The following ASIC2 variants were observed in gnomAD, a reference collection of about 807,000 sequenced individuals.
The protein encoded by ASIC2 is acid-sensing ion channel 2.
In ASIC2, 25 loss-of-function variants were observed where a neutral mutation model predicts 57.3. The ratio of observed to expected loss-of-function variants is 0.44; its 90% CI spans 0.32 to 0.61. The LOEUF is 0.61. Ranked by LOEUF, ASIC2 falls within the 20% of genes least tolerant of loss-of-function variation. The pLI, the probability that ASIC2 is intolerant of heterozygous loss-of-function variation, is 0.06. For missense variants in ASIC2, 641 were observed against 738.1 expected (o/e 0.87, Z 1.52); for synonymous variants, 319 against 307.5 (o/e 1.04, Z -0.39).
chr17:33,632,054 G>A (rs935951690), intron 1 of ASIC2, among the ~76,000 whole-genome samples: 1 of 152,140 alleles, frequency 6.6e-6, no homozygotes, highest in Non-Finnish European at 1.5e-5. Context: ...GGGCTTGAGG[G>A]ACAGAACTGG....
chr17:34,128,336 C>T (rs766807863), intron 1 of ASIC2, among the ~76,000 whole-genome samples: 2 of 152,130 alleles, frequency 1.3e-5, no homozygotes, highest in Non-Finnish European at 2.9e-5. Context: ...GTGCAGGGAG[C>T]CTCATAGGAC....
chr17:33,375,551 T>C (rs2141942026), intron 1 of ASIC2, among the ~76,000 whole-genome samples: 1 of 152,268 alleles, frequency 6.6e-6, no homozygotes, highest in East Asian at 1.9e-4. Flanking sequence ...GCTTGCGTTT[T>C]AAAAGGATAG....
chr17:33,069,760 G>A (rs908898436), intron 3 of ASIC2, among the ~76,000 whole-genome samples: 6 of 152,060 alleles, frequency 3.9e-5, no homozygotes, highest in Non-Finnish European at 7.4e-5. Flanking sequence ...TGGGTAACCA[G>A]CATATAGTTG....
intron 1 of ASIC2, among the ~76,000 whole-genome samples, chr17:33,365,186 GC>G (rs1217962634): frequency 6.6e-6 from 1 of 151,976 alleles, no homozygotes; most frequent in Non-Finnish European, 1.5e-5. Context: ...CCCCCTTTTT[GC>G]TCCACTTGTC....
intron 1 of ASIC2, among the ~76,000 whole-genome samples, chr17:33,599,626 GT>G (rs1444837981): frequency 6.6e-6 from 1 of 152,200 alleles, no homozygotes; most frequent in Non-Finnish European, 1.5e-5. Flanking sequence ...ATAATAGGAT[GT>G]GTAAAGTGAG....
chr17:33,553,166 G>C (rs1915802178), intron 1 of ASIC2, among the ~76,000 whole-genome samples: 1 of 152,178 alleles, frequency 6.6e-6, no homozygotes, highest in Non-Finnish European at 1.5e-5. Context: ...ATGCAGTGGA[G>C]GCACTGCATA....
intron 1 of ASIC2, among the ~76,000 whole-genome samples, chr17:34,152,844 C>G (rs905597249): frequency 6.6e-6 from 1 of 152,196 alleles, no homozygotes; most frequent in East Asian, 1.9e-4. Flanking sequence ...AATCCCTCCT[C>G]CTTCCTTCCA....
chr17:33,476,443 T>A (rs1435410523), intron 1 of ASIC2, among the ~76,000 whole-genome samples: 2 of 151,604 alleles, frequency 1.3e-5, no homozygotes, highest in Non-Finnish European at 2.9e-5. Context: ...TTATTAGCAA[T>A]GCTGCCATTT....
intron 1 of ASIC2, among the ~76,000 whole-genome samples, chr17:33,657,648 C>A (rs879364940): frequency 6.6e-6 from 1 of 151,020 alleles, no homozygotes; most frequent in Non-Finnish European, 1.5e-5. Flanking sequence ...CAGTCTGCAA[C>A]GATTTTGGCA....
chr17:33,562,350 G>A (rs918700492), intron 1 of ASIC2, among the ~76,000 whole-genome samples: 13 of 152,110 alleles, frequency 8.5e-5, no homozygotes, highest in African/African-American at 2.9e-4. Context: ...TGTACGCTAG[G>A]TGCTTAGAAA....
Position 33,768,776 on chromosome 17 carries a change from C to G in ASIC2, c.555+387202G>C, listed in dbSNP as rs1276285571. Among the ~76,000 whole-genome samples, 3 of 152,148 alleles carry G rather than the reference C, an allele frequency of 2.0e-5. No individual in the cohort carries two copies. In the South Asian group the frequency reaches 6.2e-4, roughly 31 times the overall value. ...AATACTGCCTAAGGCCCACCCTTCC[C>G]CCATCCAGTCCCTATAAAGACCCCA... On this transcript the variant is annotated intron_variant, in intron 1 of 9. Transcript: ENST00000359872.
intron 1 of ASIC2, among the ~76,000 whole-genome samples, chr17:33,280,604 C>T (rs1412264018): frequency 6.6e-6 from 1 of 152,216 alleles, no homozygotes; most frequent in African/African-American, 2.4e-5. Context: ...TGTGCCTCAA[C>T]AGGGCTATGC....
At chr17:33,797,177 T>C (rs1365717517) in intron 1 of ASIC2, among the ~76,000 whole-genome samples, 1 of 152,136 alleles carries the variant, frequency 6.6e-6, no homozygotes, top group Non-Finnish European at 1.5e-5. Flanking sequence ...GCTGCATAGA[T>C]CAGGGAAAGT....
At chr17:33,024,534 C>A (rs2091851497) in intron 5 of ASIC2, among the ~76,000 whole-genome samples, 1 of 152,236 alleles carries the variant, frequency 6.6e-6, no homozygotes, top group Non-Finnish European at 1.5e-5. Context: ...CCTGCCCTCT[C>A]CTCTCTTCTT....
At chr17:33,517,966 G>A (rs552824572) in intron 1 of ASIC2, among the ~76,000 whole-genome samples, 9 of 152,196 alleles carry the variant, frequency 5.9e-5, no homozygotes, top group Non-Finnish European at 1.0e-4. Context: ...GGAGTGTAAC[G>A]ACCGCAGGCT....
intron 1 of ASIC2, among the ~76,000 whole-genome samples, chr17:33,686,316 A>G (rs16968743): frequency 0.038 from 5,830 of 152,166 alleles, 366 homozygotes; most frequent in African/African-American, 0.13. Context: ...CGGATGGAGA[A>G]CCTATAGGAG....
intron 1 of ASIC2, among the ~76,000 whole-genome samples, chr17:33,469,708 C>T (rs1337942703): frequency 6.6e-6 from 1 of 152,170 alleles, no homozygotes; most frequent in African/African-American, 2.4e-5. Flanking sequence ...CCATACTTCC[C>T]TTCAGGGTTA....
intron 1 of ASIC2, among the ~76,000 whole-genome samples, chr17:33,421,100 T>A (rs1350706111): frequency 6.6e-6 from 1 of 152,152 alleles, no homozygotes; most frequent in Non-Finnish European, 1.5e-5. Flanking sequence ...AGCAGGAGCC[T>A]TTCTCAGAGA....
At chr17:34,099,663 GGAAA>G (rs144041102) in intron 1 of ASIC2, among the ~76,000 whole-genome samples, 1,893 of 110,170 alleles carry the variant, frequency 0.017, 137 homozygotes, top group African/African-American at 0.063. Flanking sequence ...AAGGAAGGAA[GGAAA>G]GAAAGAAAGA....
Sources: allele counts gnomAD v4.1 joint callset (sites outside exome capture counted in the v4.1 genomes callset), GRCh38; gene constraint gnomAD v4.1.1; transcripts MANE v1.5; gene names NCBI Gene and HGNC (gene_info 2026-07-23, HGNC 2026-07-21).